ZFHX3: variants seen among roughly 807,000 people sequenced by gnomAD.
ZFHX3 encodes the protein zinc finger homeobox protein 3.
In ZFHX3, 42 loss-of-function variants were observed where a neutral mutation model predicts 279.1. The ratio of observed to expected loss-of-function variants is 0.15; its 90% CI spans 0.12 to 0.19. The LOEUF (loss-of-function observed/expected upper bound fraction) is 0.19. Ranked by LOEUF, ZFHX3 falls within the 10% of genes least tolerant of loss-of-function variation. The pLI is 1.00. For missense variants in ZFHX3, 4,981 were observed against 4,754.0 expected, an observed-to-expected ratio of 1.05 and a Z score of -1.40; for synonymous variants, 2,293 against 1,957.8, an observed-to-expected ratio of 1.17 and a Z score of -4.52.
At chr16:72,932,438 T>G (rs1441339603) in intron 3 of ZFHX3, among the ~76,000 whole-genome samples, 2 of 151,804 alleles carry the variant, frequency 1.3e-5, no homozygotes, top group African/African-American at 4.8e-5. Flanking sequence ...CTCCATTACT[T>G]AGGAGAGGAG....
At chr16:73,102,703 C>T (rs1383642024) in intron 7 of ZFHX3, among the ~76,000 whole-genome samples, 1 of 152,164 alleles carries the variant, frequency 6.6e-6, no homozygotes, top group Non-Finnish European at 1.5e-5. Flanking sequence ...GAGGTGAGAA[C>T]CCCAGCTCTA....
At chr16:73,034,302 T>C (rs1304157992) in intron 1 of ZFHX3, among the ~76,000 whole-genome samples, 3 of 151,856 alleles carry the variant, frequency 2.0e-5, no homozygotes, top group Admixed American at 6.6e-5. Context: ...GAAATCCAAA[T>C]AAACACTAAG....
intron 2 of ZFHX3, among the ~76,000 whole-genome samples, chr16:73,677,602 T>G (rs1207655328): frequency 9.9e-5 from 15 of 151,914 alleles, no homozygotes; most frequent in Non-Finnish European, 1.6e-4. Flanking sequence ...TAACAATAGA[T>G]TTCTAGAATT....
At chr16:73,064,623 CA>C (rs1337185058), upstream of ZFHX3, among the ~76,000 whole-genome samples, 2 of 151,804 alleles carry the variant, frequency 1.3e-5, no homozygotes, top group Non-Finnish European at 2.9e-5. Flanking sequence ...TCCTGTTTCT[CA>C]GAAGTAAAAC....
At chr16:73,568,594 T>C (rs563835574) in intron 2 of ZFHX3, among the ~76,000 whole-genome samples, 110 of 152,240 alleles carry the variant, frequency 7.2e-4, no homozygotes, top group Middle Eastern at 3.4e-3. Context: ...CCTCCCACAG[T>C]TGGACAAGAA....
At chr16:73,801,009 C>T (rs1296810609) in intron 1 of ZFHX3, among the ~76,000 whole-genome samples, 1 of 152,094 alleles carries the variant, frequency 6.6e-6, no homozygotes, top group Admixed American at 6.5e-5. Context: ...TAACTATAAC[C>T]TCCCCGTAAT....
intron 2 of ZFHX3, among the ~76,000 whole-genome samples, chr16:73,617,034 C>G (rs762212668): frequency 6.6e-6 from 1 of 152,166 alleles, no homozygotes; most frequent in Admixed American, 6.5e-5. Context: ...TCTGTGTCAA[C>G]TCTATTAATC....
At position 73,163,212 on chromosome 16, in the gene ZFHX3, A is replaced by T. The variant is rs547887149; in HGVS notation, c.-1103-19381T>A. Among the ~76,000 whole-genome samples the T allele has an allele frequency of 2.0e-5, 3 of 152,348 alleles. No individual in the cohort carries two copies. The East Asian group carries it at 5.8e-4, about 29-fold the overall frequency. Reference sequence around the variant, plus strand: ...TTGTCCCATGAGACAGCTTAATGCAATAAGCACATACTGAGCCAGGTGCAG... The same window carrying T: ...TTGTCCCATGAGACAGCTTAATGCATTAAGCACATACTGAGCCAGGTGCAG... On this transcript the variant is annotated intron_variant, in intron 5 of 17. Transcript: ENST00000641206.
At chr16:73,335,654 G>C (rs1025185922) in intron 3 of ZFHX3, among the ~76,000 whole-genome samples, 1 of 152,076 alleles carries the variant, frequency 6.6e-6, no homozygotes, top group South Asian at 2.1e-4. Context: ...TAACGTCCCT[G>C]AATGTCCCCA....
intron 2 of ZFHX3, among the ~76,000 whole-genome samples, chr16:73,529,714 T>C (rs890022653): frequency 1.3e-5 from 2 of 152,196 alleles, no homozygotes; most frequent in African/African-American, 4.8e-5. Context: ...TTCACCTAGA[T>C]AGTAATTCGG....
intron 5 of ZFHX3, among the ~76,000 whole-genome samples, chr16:73,176,944 C>A (rs760170631): frequency 6.6e-6 from 1 of 152,054 alleles, no homozygotes. Flanking sequence ...AGATTTGCAG[C>A]ATCAGCATGA....
chr16:73,695,232 G>GTTTTTTTTTTTTTTTTTTTTTTTTTTTT (rs1409367239), intron 1 of ZFHX3, among the ~76,000 whole-genome samples: 1 of 77,918 alleles, frequency 1.3e-5, no homozygotes, highest in Non-Finnish European at 3.0e-5. Flanking sequence ...TTCAAATACA[G>GTTTTTTTTTTTTTTTTTTTTTTTTTTTT]TTTTTTTTTG....
intron 1 of ZFHX3, among the ~76,000 whole-genome samples, chr16:73,771,399 G>A (rs998372535): frequency 6.6e-6 from 1 of 152,168 alleles, no homozygotes; most frequent in African/African-American, 2.4e-5. Context: ...GAAAAAACAA[G>A]CATGCAGATG....
At chr16:73,286,624 G>A (rs1400595842) in intron 4 of ZFHX3, among the ~76,000 whole-genome samples, 1 of 150,638 alleles carries the variant, frequency 6.6e-6, no homozygotes, top group Non-Finnish European at 1.5e-5. Flanking sequence ...TGGGTGTGTG[G>A]GTCTGTGTGT....
chr16:73,461,784 T>C (rs2018476147), intron 2 of ZFHX3, among the ~76,000 whole-genome samples: 1 of 152,238 alleles, frequency 6.6e-6, no homozygotes, highest in Non-Finnish European at 1.5e-5. Context: ...GCTATTTAAT[T>C]AGTCTTTAAA....
intron 3 of ZFHX3, among the ~76,000 whole-genome samples, chr16:73,320,970 G>C (rs1352287385): frequency 6.6e-6 from 1 of 152,226 alleles, no homozygotes; most frequent in South Asian, 2.1e-4. Context: ...ATGAGCCACT[G>C]ACTCAGTTCC....
Position 73,838,751 on chromosome 16 carries a change from CGT to C in ZFHX3, c.-1608+52898_-1608+52899del, listed in dbSNP as rs890687442. ...GCTACTGTGTGTGTGTGCGCACATGCGTGTGTGTGTCTGTGTGTGTGTGTGTG... is the reference window on the plus strand; with the variant it reads ...GCTACTGTGTGTGTGTGCGCACATGCGTGTGTGTCTGTGTGTGTGTGTGTG... On this transcript the variant is annotated intron_variant, in intron 1 of 17. Transcript: ENST00000641206. Among the ~76,000 whole-genome samples, 8 of 139,602 alleles carry C rather than the reference CGT, an allele frequency of 5.7e-5. No homozygotes were observed. The East Asian group carries it at 5.9e-4, about 10-fold the overall frequency. The allele number at this position is 139,602 out of a possible 152,430, so 91.6% of individuals were successfully genotyped here.
At chr16:73,634,433 A>ATATATATATATATATAT (rs1197229737) in intron 2 of ZFHX3, among the ~76,000 whole-genome samples, 5 of 59,882 alleles carry the variant, frequency 8.3e-5, no homozygotes, top group Admixed American at 3.7e-4. Flanking sequence ...TATTATGTAT[A>ATATATATATATATATAT]ATATATATAT....
In ZFHX3 at chr16:72,794,180, G is replaced by T; in HGVS notation, c.8502C>A (p.Asp2834Glu). The T allele has an allele frequency of 6.2e-7, 1 of 1,614,218 alleles. No individual in the cohort carries two copies. Among genetic ancestry groups the T allele is most frequent in the Non-Finnish European group, 8.5e-7 (1 of 1,180,034 alleles). ...NFDQTKLDNDDCSSVNTAITD... is the reference protein window; with the variant it reads ...NFDQTKLDNDECSSVNTAITD... Reference sequence around the variant, plus strand: ...TGATTGCTGTGTTGACAGAGGAACAGTCATCGTTGTCCAGCTTAGTTTGGT... The same window carrying T: ...TGATTGCTGTGTTGACAGAGGAACATTCATCGTTGTCCAGCTTAGTTTGGT... Residue 2834 changes from aspartate to glutamate, a missense_variant, in exon 9 of 10, where the codon GAC becomes GAA. Transcript: ENST00000268489. The surrounding 1 kb of genome is among the most constrained non-coding windows in gnomAD (Gnocchi z 4.2).
Sources: allele counts gnomAD v4.1 joint callset (sites outside exome capture counted in the v4.1 genomes callset), GRCh38; gene constraint gnomAD v4.1.1; non-coding constraint Gnocchi (gnomAD v3.1); transcripts MANE v1.5; gene names NCBI Gene and HGNC (gene_info 2026-07-23, HGNC 2026-07-21).